The following ARHGEF28 variants were observed in gnomAD, a reference collection of about 807,000 sequenced individuals.
ARHGEF28 encodes 190 kDa guanine nucleotide exchange factor.
Under a neutral mutation model 206.6 loss-of-function variants are expected in ARHGEF28, and 152 were observed. The ratio of observed to expected loss-of-function variants is 0.74; its 90% CI spans 0.64 to 0.84. The LOEUF (loss-of-function observed/expected upper bound fraction) is 0.84, where lower values mean the gene tolerates loss of function less well. Ranked by LOEUF, ARHGEF28 falls within the 40% of genes least tolerant of loss-of-function variation. ARHGEF28 has a pLI of 0.00. For missense variants in ARHGEF28, 2,028 were observed against 2,073.2 expected (o/e 0.98, Z 0.42); for synonymous variants, 763 against 776.4 (o/e 0.98, Z 0.29).
chr5:73,923,887 A>G (rs1763661208), intron 35 of ARHGEF28, among the ~76,000 whole-genome samples: 2 of 152,332 alleles, frequency 1.3e-5, no homozygotes, highest in South Asian at 2.1e-4. Context: ...AACAAACCCT[A>G]GCTTCTTCTG....
intron 2 of ARHGEF28, among the ~76,000 whole-genome samples, chr5:73,692,841 G>C (rs1010381475): frequency 5.3e-5 from 8 of 152,178 alleles, no homozygotes; most frequent in African/African-American, 1.9e-4. Flanking sequence ...CCGGATCCCT[G>C]CAGATTCCCT....
At chr5:73,857,437 A>C (rs1759115583) in intron 14 of ARHGEF28, among the ~76,000 whole-genome samples, 1 of 152,176 alleles carries the variant, frequency 6.6e-6, no homozygotes, top group African/African-American at 2.4e-5. Flanking sequence ...AATTGTTGAC[A>C]TTGTGAGATT....
At chr5:73,685,973 C>T (rs1444771634) in intron 2 of ARHGEF28, among the ~76,000 whole-genome samples, 2 of 152,158 alleles carry the variant, frequency 1.3e-5, no homozygotes, top group African/African-American at 4.8e-5. Flanking sequence ...TAGATTCATC[C>T]ACTTCCCACA....
intron 2 of ARHGEF28, among the ~76,000 whole-genome samples, chr5:73,731,396 G>T (rs1255200777): frequency 6.6e-6 from 1 of 152,138 alleles, no homozygotes; most frequent in East Asian, 1.9e-4. Context: ...GCATGCCTTT[G>T]CTTGGCTATT....
intron 23 of ARHGEF28, 108 bp downstream of exon 23, chr5:73,882,702 G>A: frequency 9.2e-7 from 1 of 1,086,458 alleles, no homozygotes; most frequent in Non-Finnish European, 1.3e-6. Flanking sequence ...ATGCTTTTCA[G>A]GGGAAGAAGA....
At chr5:73,697,431 G>A (rs1339957388) in intron 2 of ARHGEF28, among the ~76,000 whole-genome samples, 3 of 152,158 alleles carry the variant, frequency 2.0e-5, no homozygotes, top group Non-Finnish European at 4.4e-5. Context: ...ATATCTTATA[G>A]AACTAGAAGC....
At chr5:73,714,734 A>G (rs146121340) in intron 2 of ARHGEF28, among the ~76,000 whole-genome samples, 1 of 152,338 alleles carries the variant, frequency 6.6e-6, no homozygotes, top group African/African-American at 2.4e-5. Flanking sequence ...TTTTACAAAT[A>G]TGTACACCTG....
Position 73,652,138 on chromosome 5 carries a change from G to T in ARHGEF28, c.-12+25816G>T, listed in dbSNP as rs1744874851. Among the ~76,000 whole-genome samples, 3 of 152,078 alleles carry T rather than the reference G, an allele frequency of 2.0e-5. No individual in the cohort carries two copies. The South Asian group carries it at 6.2e-4, about 32-fold the overall frequency. On this transcript the variant is annotated intron_variant, in intron 1 of 35. Transcript: ENST00000513042. ...TTCTCTATGTTGTAACTATTTTTAA[G>T]TGCTAGGGAATGGGGTATATAAAAG...
intron 2 of ARHGEF28, among the ~76,000 whole-genome samples, chr5:73,727,668 A>T (rs1432392916): frequency 6.6e-6 from 1 of 152,168 alleles, no homozygotes; most frequent in Non-Finnish European, 1.5e-5. Context: ...CTTGGATATC[A>T]TCCTTTAAGA....
At chr5:73,940,791 G>A in intron 35 of ARHGEF28, 53 bp from the exon 36 acceptor site, 1 of 1,375,940 alleles carries the variant, frequency 7.3e-7, no homozygotes, top group South Asian at 1.8e-5. Context: ...CAAGACATCT[G>A]CCTTGTACAT....
intron 1 of ARHGEF28, among the ~76,000 whole-genome samples, chr5:73,645,418 GT>G (rs751271102): frequency 1.3e-4 from 20 of 152,064 alleles, no homozygotes; most frequent in Non-Finnish European, 2.6e-4. Flanking sequence ...TTCTCAGATT[GT>G]TTCCTAAAAA....
intron 35 of ARHGEF28, 52 bp downstream of exon 35, chr5:73,911,627 T>G: frequency 6.7e-7 from 1 of 1,500,800 alleles, no homozygotes; most frequent in Non-Finnish European, 9.0e-7. Flanking sequence ...AAGTTGTCCC[T>G]CTGAATGGTT....
chr5:73,637,586 A>C (rs1332956762), intron 1 of ARHGEF28, among the ~76,000 whole-genome samples: 1 of 152,230 alleles, frequency 6.6e-6, no homozygotes, highest in Admixed American at 6.5e-5. Flanking sequence ...TTACTTGCTG[A>C]GTGTAGGGGC....
chr5:73,723,196 T>C (rs190469336), intron 2 of ARHGEF28, among the ~76,000 whole-genome samples: 275 of 152,352 alleles, frequency 1.8e-3, no homozygotes, highest in African/African-American at 6.5e-3. Context: ...AAAGAATTTT[T>C]TTTTTTCCTT....
intron 2 of ARHGEF28, among the ~76,000 whole-genome samples, chr5:73,695,223 A>G (rs540047420): frequency 1.3e-5 from 2 of 152,320 alleles, no homozygotes; most frequent in South Asian, 4.1e-4. Flanking sequence ...GGGGAGTTGC[A>G]TGATTTGATT....
chr5:73,711,445 T>A (rs1303359707), intron 2 of ARHGEF28, among the ~76,000 whole-genome samples: 1 of 152,182 alleles, frequency 6.6e-6, no homozygotes, highest in Admixed American at 6.5e-5. Flanking sequence ...TATTGAGGCT[T>A]GTGGTCTATG....
rs373412141 is a variant in ARHGEF28, at chr5:73,867,930, C to T, written c.2207C>T (p.Ser736Phe). ...GGTCTCTCCTTGCACCCTTCTTCCT[C>T]CGTGCCTGTTGGATTGCCGACTGGA... is the stretch of plus-strand genomic sequence containing the variant. ...QPGLSLHPSSSVPVGLPTGRR... is the reference protein window; with the variant it reads ...QPGLSLHPSSFVPVGLPTGRR... The change falls in exon 19 of 36, where the codon TCC becomes TTC. Residue 736 changes from serine (S) to phenylalanine (F), a missense_variant. Ser to Phe is a radical substitution (Grantham distance 155). Transcript: ENST00000513042. The T allele has an allele frequency of 1.2e-6, 2 of 1,613,922 alleles. No homozygotes were observed. Among genetic ancestry groups the T allele is most frequent in the Non-Finnish European group, 1.7e-6 (2 of 1,179,894 alleles).
chr5:73,858,242 GCTGT>G, intron 16 of ARHGEF28, 23 bp downstream of exon 16: 1 of 1,546,478 alleles, frequency 6.5e-7, no homozygotes, highest in South Asian at 1.3e-5. Flanking sequence ...GTCTATGTGC[GCTGT>G]CTTTGTTTTC....
intron 22 of ARHGEF28, among the ~76,000 whole-genome samples, chr5:73,880,366 C>T (rs552999095): frequency 3.9e-5 from 6 of 152,224 alleles, no homozygotes; most frequent in Non-Finnish European, 7.3e-5. Flanking sequence ...AACTCCCTGA[C>T]CCCTTGCACT....
Sources: gnomAD v4.1 joint callset for allele counts (sites outside exome capture counted in the v4.1 genomes callset) on GRCh38, gnomAD v4.1.1 for gene constraint, MANE v1.5 for transcripts, NCBI Gene and HGNC (gene_info 2026-07-23, HGNC 2026-07-21) for gene names.